NBEA: variants seen among roughly 807,000 people sequenced by gnomAD.
NBEA encodes the protein neurobeachin.
A neutral mutation model predicts 343.4 loss-of-function variants in NBEA; 44 were observed. The observed-to-expected ratio is 0.13, with a 90% CI of 0.10 to 0.16. The LOEUF (loss-of-function observed/expected upper bound fraction) is 0.16. NBEA is among the 10% of genes least tolerant of loss of function. The pLI, the probability that NBEA is intolerant of heterozygous loss-of-function variation, is 1.00. For missense variants in NBEA, 2,555 were observed against 3,631.3 expected, an observed-to-expected ratio of 0.70 and a Z score of 7.62; for synonymous variants, 1,175 against 1,238.7, an observed-to-expected ratio of 0.95 and a Z score of 1.08.
chr13:35,581,859 T>C (rs1431110599), intron 45 of NBEA, among the ~76,000 whole-genome samples: 1 of 134,092 alleles, frequency 7.5e-6, no homozygotes, highest in East Asian at 2.1e-4. Context: ...AATGTGCACA[T>C]GTACCCTAAA....
At chr13:35,173,646 T>G in intron 27 of NBEA, 52 bp downstream of exon 27, 2 of 1,553,634 alleles carry the variant, frequency 1.3e-6, no homozygotes, top group Non-Finnish European at 1.7e-6. Context: ...AAAAAATCTT[T>G]TTTAAGTTGA....
chr13:35,609,034 T>C (rs1015101861), intron 48 of NBEA, among the ~76,000 whole-genome samples: 1 of 152,202 alleles, frequency 6.6e-6, no homozygotes, highest in African/African-American at 2.4e-5. Flanking sequence ...TAATTGTCAA[T>C]CCAGACCTTA....
chr13:35,409,941 CAT>C (rs1054868428), intron 38 of NBEA, among the ~76,000 whole-genome samples: 1 of 151,838 alleles, frequency 6.6e-6, no homozygotes, highest in Non-Finnish European at 1.5e-5. Context: ...TAGGTTATAC[CAT>C]CTAACCTATA....
At chr13:35,384,521 CTTTTTTTTTTT>C (rs938208413) in intron 38 of NBEA, among the ~76,000 whole-genome samples, 1 of 119,048 alleles carries the variant, frequency 8.4e-6, no homozygotes, top group Non-Finnish European at 1.8e-5. Flanking sequence ...CTTGAATAAT[CTTTTTTTTTTT>C]TTTTTTTTTT....
intron 31 of NBEA, among the ~76,000 whole-genome samples, chr13:35,203,978 TGTAGAATAGAGCAGG>T (rs2073199346): frequency 1.3e-5 from 2 of 152,102 alleles, no homozygotes; most frequent in African/African-American, 4.8e-5. Flanking sequence ...GTAAGGAATA[TGTAGAATAGAGCAGG>T]GGTCCCCACC....
chr13:35,439,772 A>G (rs1180358603), intron 39 of NBEA, among the ~76,000 whole-genome samples: 2 of 152,220 alleles, frequency 1.3e-5, no homozygotes, highest in Non-Finnish European at 2.9e-5. Flanking sequence ...TAGAAAAAAA[A>G]AGAATCAGAT....
Position 35,070,013 on chromosome 13 carries a change from G to T in NBEA, c.1345G>T (p.Ala449Ser), listed in dbSNP as rs1489396796. The change falls in exon 9 of 59, where the codon GCT (alanine) becomes TCT (serine). Residue 449 changes from alanine (A) to serine (S), a missense_variant. Ala to Ser is a moderately conservative substitution (Grantham distance 99, BLOSUM62 1). This residue lies in a region of NBEA where 75 missense variants were observed against 237.4 expected (regional missense o/e 0.32). Transcript: ENST00000379939. ...LASSIAFTYN[A>S]KATDAQLCLE... The stretch of plus-strand genomic sequence containing the variant: ...AAGTAGCATTGCCTTTACATATAAT[G>T]CTAAGGCCACTGATGCTCAGCTCTG... 1 of 1,607,446 alleles carries T rather than the reference G, an allele frequency of 6.2e-7. No homozygotes were observed.
At chr13:35,568,018 G>C (rs2080217217) in intron 45 of NBEA, among the ~76,000 whole-genome samples, 1 of 152,076 alleles carries the variant, frequency 6.6e-6, no homozygotes, top group Admixed American at 6.6e-5. Context: ...TGTCCCATTT[G>C]TAATATGAGA....
At chr13:35,560,219 T>C (rs2153021039) in intron 44 of NBEA, among the ~76,000 whole-genome samples, 1 of 152,218 alleles carries the variant, frequency 6.6e-6, no homozygotes, top group African/African-American at 2.4e-5. Flanking sequence ...AGCTCCAGAG[T>C]CTTCATTCAG....
At chr13:35,134,295 G>T (rs2067595103) in intron 17 of NBEA, among the ~76,000 whole-genome samples, 1 of 151,630 alleles carries the variant, frequency 6.6e-6, no homozygotes, top group African/African-American at 2.4e-5. Flanking sequence ...CATAAAACTT[G>T]GCTCAACAGA....
intron 1 of NBEA, among the ~76,000 whole-genome samples, chr13:35,030,104 G>A (rs1380951640): frequency 1.3e-5 from 2 of 151,556 alleles, no homozygotes; most frequent in Admixed American, 6.6e-5. Context: ...ACATCTTTTC[G>A]AAGAACAGAT....
chr13:35,068,993 T>A (rs1364705736), intron 8 of NBEA, among the ~76,000 whole-genome samples: 3 of 152,184 alleles, frequency 2.0e-5, no homozygotes, highest in Admixed American at 1.3e-4. Context: ...TAATTTAACC[T>A]TATAACATTA....
intron 39 of NBEA, among the ~76,000 whole-genome samples, chr13:35,440,002 C>G (rs769433429): frequency 1.1e-4 from 17 of 152,200 alleles, no homozygotes; most frequent in Non-Finnish European, 2.4e-4. Context: ...ACCTCAGCCT[C>G]CTGAGTAGCT....
At chr13:35,471,989 G>C (rs909598290) in intron 40 of NBEA, among the ~76,000 whole-genome samples, 2 of 152,112 alleles carry the variant, frequency 1.3e-5, no homozygotes, top group Non-Finnish European at 2.9e-5. Flanking sequence ...CCGCTGCTGA[G>C]TGGAACGGCT....
intron 41 of NBEA, among the ~76,000 whole-genome samples, chr13:35,537,639 C>CA (rs1178808065): frequency 1.3e-5 from 2 of 151,882 alleles, no homozygotes; most frequent in Non-Finnish European, 2.9e-5. Context: ...AGGTCAGTGG[C>CA]AAAAATAGAA....
At chr13:35,387,499 C>T (rs1380943431) in intron 38 of NBEA, among the ~76,000 whole-genome samples, 3 of 151,570 alleles carry the variant, frequency 2.0e-5, no homozygotes, top group African/African-American at 4.8e-5. Flanking sequence ...CCAAAAACAA[C>T]GAAAACAAAA....
At chr13:35,638,244 T>C (rs1233717630) in intron 49 of NBEA, among the ~76,000 whole-genome samples, 1 of 152,250 alleles carries the variant, frequency 6.6e-6, no homozygotes, top group Non-Finnish European at 1.5e-5. Context: ...ATGGTTAAGA[T>C]GGTAAATTTT....
At chr13:35,529,177 G>C (rs1566272290) in intron 41 of NBEA, among the ~76,000 whole-genome samples, 1 of 152,126 alleles carries the variant, frequency 6.6e-6, no homozygotes, top group Non-Finnish European at 1.5e-5. Context: ...GGCTCAGACA[G>C]GTTAAATAAG....
chr13:35,029,029 A>G (rs1464352400), intron 1 of NBEA, among the ~76,000 whole-genome samples: 1 of 151,512 alleles, frequency 6.6e-6, no homozygotes, highest in Non-Finnish European at 1.5e-5. Flanking sequence ...AATAATTAAG[A>G]CTGTAGTATT....
Sources: allele counts gnomAD v4.1 joint callset (sites outside exome capture counted in the v4.1 genomes callset), GRCh38; gene constraint gnomAD v4.1.1; regional missense constraint gnomAD v4.1.1; transcripts MANE v1.5; gene names NCBI Gene and HGNC (gene_info 2026-07-23, HGNC 2026-07-21).